The following GLIPR1L1 variants were observed in gnomAD, a reference collection of about 807,000 sequenced individuals.
GLIPR1L1 encodes the protein GLIPR1-like protein 1.
In GLIPR1L1, 26 loss-of-function variants were observed where a neutral mutation model predicts 29.9. The observed-to-expected ratio is 0.87, with a 90% CI of 0.64 to 1.21. The LOEUF (loss-of-function observed/expected upper bound fraction) is 1.21, where lower values mean the gene tolerates loss of function less well. Ranked by LOEUF, GLIPR1L1 falls within the 50% of genes most tolerant of loss-of-function variation. The pLI, the probability that GLIPR1L1 is intolerant of heterozygous loss-of-function variation, is 0.00. For synonymous variants in GLIPR1L1, 77 were observed against 97.5 expected (o/e 0.79, Z 1.24); for missense variants, 305 against 290.3 (o/e 1.05, Z -0.37).
chr12:75,365,222 C>T (rs903733072), intron 4 of GLIPR1L1: 7 of 152,136 alleles, frequency 4.6e-5, no homozygotes, highest in South Asian at 2.1e-4. Flanking sequence ...TAGGTTTTGT[C>T]AAATCATCTG....
intron 1 of GLIPR1L1, among the ~76,000 whole-genome samples, chr12:75,336,230 C>A (rs898798553): frequency 6.6e-6 from 1 of 151,636 alleles, no homozygotes; most frequent in Non-Finnish European, 1.5e-5. Context: ...AGCTAAAAAT[C>A]CAGTAAGTAG....
At chr12:75,367,013 G>A (rs2044015291) in intron 4 of GLIPR1L1, 5 of 701,348 alleles carry the variant, frequency 7.1e-6, no homozygotes, top group Non-Finnish European at 1.3e-5. Flanking sequence ...GAGCTGAGGA[G>A]GTAAGTCTCT....
intron 1 of GLIPR1L1, among the ~76,000 whole-genome samples, chr12:75,338,476 TTGGTAAAAC>T (rs2041881482): frequency 6.6e-6 from 1 of 152,184 alleles, no homozygotes; most frequent in African/African-American, 2.4e-5. Flanking sequence ...TGAAAACCAT[TTGGTAAAAC>T]TCTGCATCAA....
At chr12:75,367,340 T>C (rs2044044835) in intron 4 of GLIPR1L1, among the ~76,000 whole-genome samples, 1 of 151,770 alleles carries the variant, frequency 6.6e-6, no homozygotes, top group Non-Finnish European at 1.5e-5. Flanking sequence ...CACAAACATA[T>C]TGTATAACTA....
intron 3 of GLIPR1L1, among the ~76,000 whole-genome samples, chr12:75,355,914 T>C (rs899713802): frequency 2.0e-5 from 3 of 152,054 alleles, no homozygotes; most frequent in Admixed American, 6.6e-5. Context: ...CATTTACAAA[T>C]GGGAGCTGAA....
At chr12:75,361,632 T>A (rs139984973) in intron 3 of GLIPR1L1, among the ~76,000 whole-genome samples, 2 of 152,290 alleles carry the variant, frequency 1.3e-5, no homozygotes, top group Non-Finnish European at 2.9e-5. Context: ...CTTACAATCA[T>A]GACAGAAGGT....
chr12:75,345,997 A>G (rs1452060022), intron 2 of GLIPR1L1, among the ~76,000 whole-genome samples: 1 of 152,228 alleles, frequency 6.6e-6, no homozygotes, highest in Admixed American at 6.5e-5. Context: ...TCTAAACAAA[A>G]TAAGGGAAAA....
At chr12:75,359,708 T>C (rs2043435968) in intron 3 of GLIPR1L1, among the ~76,000 whole-genome samples, 1 of 152,136 alleles carries the variant, frequency 6.6e-6, no homozygotes, top group African/African-American at 2.4e-5. Flanking sequence ...TTTCAACTAA[T>C]TTTTCAGAAA....
At chr12:75,347,022 T>A (rs1000030049) in intron 2 of GLIPR1L1, among the ~76,000 whole-genome samples, 6 of 151,742 alleles carry the variant, frequency 4.0e-5, no homozygotes, top group African/African-American at 1.2e-4. Context: ...CTATAACTAG[T>A]TTTCCATAGA....
At chr12:75,366,970 C>T (rs746242763) in intron 4 of GLIPR1L1, 16 of 701,652 alleles carry the variant, frequency 2.3e-5, no homozygotes, top group Non-Finnish European at 3.9e-5. Flanking sequence ...GGGCAGCTTG[C>T]AGCTTGCAGT....
At chr12:75,358,371 T>C (rs2043293270) in intron 3 of GLIPR1L1, among the ~76,000 whole-genome samples, 1 of 151,822 alleles carries the variant, frequency 6.6e-6, no homozygotes, top group Non-Finnish European at 1.5e-5. Flanking sequence ...AAAAGCATAA[T>C]ACACTTTATC....
intron 3 of GLIPR1L1, among the ~76,000 whole-genome samples, chr12:75,359,387 T>G (rs985978405): frequency 1.5e-4 from 21 of 139,976 alleles, no homozygotes; most frequent in African/African-American, 4.8e-4. Flanking sequence ...TTTTTTTTTT[T>G]GCTGAATTGA....
At chr12:75,359,612 T>G (rs141977781) in intron 3 of GLIPR1L1, among the ~76,000 whole-genome samples, 8 of 152,052 alleles carry the variant, frequency 5.3e-5, no homozygotes, top group Non-Finnish European at 1.0e-4. Context: ...CCCAACATTG[T>G]GGTATTTGCA....
At chr12:75,351,916 G>A (rs940655619) in intron 3 of GLIPR1L1, among the ~76,000 whole-genome samples, 2 of 152,052 alleles carry the variant, frequency 1.3e-5, no homozygotes, top group African/African-American at 4.8e-5. Flanking sequence ...AACATCATAA[G>A]CGAAGGAGAA....
chr12:75,348,753 G>A (rs1321814211), intron 3 of GLIPR1L1, among the ~76,000 whole-genome samples: 1 of 152,108 alleles, frequency 6.6e-6, no homozygotes, highest in African/African-American at 2.4e-5. Context: ...CTGGCCAAGT[G>A]GTAGGGACCA....
At chr12:75,366,294 G>A (rs2043956907) in intron 4 of GLIPR1L1, among the ~76,000 whole-genome samples, 1 of 152,062 alleles carries the variant, frequency 6.6e-6, no homozygotes, top group African/African-American at 2.4e-5. Context: ...AAACTCACTG[G>A]TTTACAGAAA....
At chr12:75,369,659 T>A (rs2044227605) in intron 4 of GLIPR1L1, 4 of 984,446 alleles carry the variant, frequency 4.1e-6, no homozygotes, top group Admixed American at 6.2e-5. Context: ...GGGACGTGAA[T>A]TGGGAATGAA....
At chr12:75,336,788 C>T (rs2041764547) in intron 1 of GLIPR1L1, among the ~76,000 whole-genome samples, 1 of 151,702 alleles carries the variant, frequency 6.6e-6, no homozygotes, top group Non-Finnish European at 1.5e-5. Flanking sequence ...ACCTAATTGA[C>T]ATTAAACAAT....
chr12:75,343,364 T>C (rs1488841368), intron 1 of GLIPR1L1, among the ~76,000 whole-genome samples: 1 of 152,050 alleles, frequency 6.6e-6, no homozygotes. Context: ...TTAATTGTAA[T>C]AAATTAACAT....
Sources: gnomAD v4.1 joint callset for allele counts (sites outside exome capture counted in the v4.1 genomes callset) on GRCh38, gnomAD v4.1.1 for gene constraint, MANE v1.5 for transcripts, NCBI Gene and HGNC (gene_info 2026-07-23, HGNC 2026-07-21) for gene names.